Variants in APOOL observed in about 807,000 individuals in gnomAD.
The protein encoded by APOOL is apolipoprotein O like, also known as MICOS complex subunit MIC27.
In APOOL, 12 loss-of-function variants were observed where a neutral mutation model predicts 23.1. That is an observed-to-expected ratio of 0.52 (90% CI 0.33 to 0.84). APOOL has a LOEUF of 0.84. APOOL is among the 40% of genes least tolerant of loss of function. APOOL has a pLI of 0.02. For synonymous variants in APOOL, 77 were observed against 69.9 expected, an observed-to-expected ratio of 1.10 and a Z score of -0.51; for missense variants, 212 against 199.6, an observed-to-expected ratio of 1.06 and a Z score of -0.37.
intron 2 of APOOL, among the ~76,000 whole-genome samples, chrX:85,047,422 G>A (rs1192373812): frequency 9.0e-6 from 1 of 111,404 alleles, no homozygotes; most frequent in Non-Finnish European, 1.9e-5. Context: ...ACTGCTACAG[G>A]ATAGAGTCAG....
chrX:85,043,735 T>C (rs1274831713), intron 1 of APOOL, among the ~76,000 whole-genome samples: 1 of 111,561 alleles, frequency 9.0e-6, no homozygotes, highest in Non-Finnish European at 1.9e-5. Flanking sequence ...TTTTTTTGTT[T>C]GGAGGTAATA....
At chrX:85,067,964 A>G (rs1236753393) in intron 6 of APOOL, among the ~76,000 whole-genome samples, 2 of 110,797 alleles carry the variant, frequency 1.8e-5, no homozygotes, top group Non-Finnish European at 3.8e-5. Context: ...TTGTATTCCC[A>G]TTACTTCATC....
At position 85,082,340 on chromosome X, in the gene APOOL, A is replaced by G. The variant is rs190604751; in HGVS notation, c.719-5250A>G. Among the ~76,000 whole-genome samples the G allele has an allele frequency of 6.0e-3, 670 of 110,952 alleles. 5 individuals are homozygous for G. Among genetic ancestry groups the G allele is most frequent in the African/African-American group, 0.021 (632 of 30,463 alleles). The stretch of plus-strand genomic sequence containing the variant: ...TCTGTTTGTTAGTTTTCCTTCTAAC[A>G]CTCAGGACCCTCAGCTGCAGGTATG... On this transcript the variant is annotated intron_variant, in intron 8 of 8. Coordinates refer to ENST00000373173, the MANE Select transcript of APOOL (RefSeq NM_198450.6).
chrX:85,055,585 G>C (rs191270512), intron 4 of APOOL, among the ~76,000 whole-genome samples: 5 of 111,441 alleles, frequency 4.5e-5, no homozygotes, highest in African/African-American at 1.6e-4. Context: ...AGTAATAACC[G>C]TCAGTATCAT....
intron 8 of APOOL, 59 bp downstream of exon 8, chrX:85,074,450 T>A (rs1249769958): frequency 1.2e-5 from 14 of 1,130,996 alleles, no homozygotes; most frequent in African/African-American, 1.8e-5. Flanking sequence ...TTGATAGCAT[T>A]ATCATTAGTG....
intron 8 of APOOL, among the ~76,000 whole-genome samples, chrX:85,079,141 G>A (rs1389545909): frequency 8.9e-6 from 1 of 111,791 alleles, no homozygotes; most frequent in Non-Finnish European, 1.9e-5. Flanking sequence ...AATGGGAGTG[G>A]TGAGAGAGGG....
rs775811303 is a variant in APOOL, at chrX:85,060,574, T to C, written c.394+4649T>C. Among the ~76,000 whole-genome samples, 398 of 110,712 alleles carry C rather than the reference T, an allele frequency of 3.6e-3. 1 individual carries two copies. Among genetic ancestry groups the C allele is most frequent in the African/African-American group, 0.012 (366 of 30,405 alleles). ...TTTCATTGAGCAGTGGTTTGTAGTTTTCCTTGAAGAGGTCCTTCACATCCC... is the reference window on the plus strand; with the variant it reads ...TTTCATTGAGCAGTGGTTTGTAGTTCTCCTTGAAGAGGTCCTTCACATCCC... On this transcript the variant is annotated intron_variant, in intron 5 of 8. Transcript: ENST00000373173.
chrX:85,013,393 T>A (rs1760406445), intron 1 of APOOL, among the ~76,000 whole-genome samples: 1 of 111,709 alleles, frequency 9.0e-6, no homozygotes, highest in Non-Finnish European at 1.9e-5. Context: ...GTTTCTCCAG[T>A]TCCTAGAGGT....
At chrX:85,043,467 A>G (rs190404052) in intron 1 of APOOL, among the ~76,000 whole-genome samples, 2 of 109,046 alleles carry the variant, frequency 1.8e-5, no homozygotes, top group Non-Finnish European at 3.8e-5. Context: ...TGCAGCATGC[A>G]TAAGATTTCT....
rs1046852002 is a variant in APOOL, at chrX:85,051,964, A to G, written c.240+456A>G. Among the ~76,000 whole-genome samples the G allele has an allele frequency of 3.6e-5, 4 of 112,096 alleles. No individual in the cohort carries two copies. In the Admixed American group the frequency reaches 3.8e-4, roughly 11 times the overall value. On this transcript the variant is annotated intron_variant, in intron 3 of 8. Coordinates refer to ENST00000373173, the MANE Select transcript of APOOL (RefSeq NM_198450.6). ...GAATTTGCCAGGCTTTTTGCCTATC[A>G]TCAGATATCCAAGAAAGTCACTTCT...
chrX:85,059,722 G>A (rs1298424200), intron 5 of APOOL, among the ~76,000 whole-genome samples: 1 of 110,596 alleles, frequency 9.0e-6, no homozygotes, highest in Non-Finnish European at 1.9e-5. Context: ...TTTTGATGGG[G>A]TTGTTTGTTT....
In APOOL at chrX:85,043,410, A is replaced by ATT. The variant is rs11400629; in HGVS notation, c.16-3023_16-3022dup. 1.4e-3 allele frequency among the ~76,000 whole-genome samples: 139 copies of ATT among 100,724 alleles called. 1 individual carries two copies. The highest frequency in any genetic ancestry group is 5.6e-3 in the East Asian group (18 of 3,212). 87.5% of individuals were successfully genotyped at this position (100,724 alleles called of 115,157 possible). On this transcript the variant is annotated intron_variant, in intron 1 of 8. Transcript: ENST00000373173. ...TGGTTTTCTAAATTGGAGGCTGGCA[A>ATT]TTTTTTTTTTTTTTGTAAATGGCCA...
intron 5 of APOOL, among the ~76,000 whole-genome samples, chrX:85,063,353 T>C (rs915483991): frequency 9.0e-6 from 1 of 110,681 alleles, no homozygotes. Flanking sequence ...ATACCCTTTA[T>C]TTTTTTTATC....
intron 1 of APOOL, among the ~76,000 whole-genome samples, chrX:85,018,157 A>G (rs1376275840): frequency 8.9e-6 from 1 of 112,376 alleles, no homozygotes; most frequent in African/African-American, 3.2e-5. Flanking sequence ...CCATTTTTGC[A>G]TTGCTATAAA....
intron 8 of APOOL, among the ~76,000 whole-genome samples, chrX:85,087,166 T>C (rs1011662712): frequency 1.8e-5 from 2 of 110,761 alleles, no homozygotes; most frequent in Admixed American, 9.7e-5. Flanking sequence ...CCGCCACCCC[T>C]ACATACACCA....
chrX:85,014,987 C>T (rs977208673), intron 1 of APOOL, among the ~76,000 whole-genome samples: 1 of 110,138 alleles, frequency 9.1e-6, no homozygotes, highest in Non-Finnish European at 1.9e-5. Context: ...TAACATAATC[C>T]TCAGTTTATT....
At position 85,093,106 on chromosome X, in the gene APOOL, A is replaced by G; in HGVS notation, c.*5428A>G. On this transcript the variant is annotated 3_prime_UTR_variant, in exon 9 of 9. Transcript: ENST00000373173. ...GGGTTATGTTCAAATGGTGAGATTAATGATTTAATTTATGCCCTGTGAATA... is the reference window on the plus strand; with the variant it reads ...GGGTTATGTTCAAATGGTGAGATTAGTGATTTAATTTATGCCCTGTGAATA... 1.0e-6 allele frequency: 1 copy of G among 959,863 alleles called. No individual in the cohort carries two copies. Among genetic ancestry groups the G allele is most frequent in the Non-Finnish European group, 1.4e-6 (1 of 699,868 alleles). The allele number at this position is 959,863 out of a possible 1,213,427, so 79.1% of individuals were successfully genotyped here. A position where few individuals can be genotyped will look rare whatever the true frequency, so the allele number is the denominator to read the frequency against.
At chrX:85,035,474 T>C (rs191484290) in intron 1 of APOOL, among the ~76,000 whole-genome samples, 1 of 111,445 alleles carries the variant, frequency 9.0e-6, no homozygotes, top group African/African-American at 3.3e-5. Flanking sequence ...ATTTGTCAAT[T>C]TTTGCTTTTG....
At chrX:85,040,148 A>G (rs1569455839) in intron 1 of APOOL, among the ~76,000 whole-genome samples, 1 of 111,878 alleles carries the variant, frequency 8.9e-6, no homozygotes, top group East Asian at 2.8e-4. Flanking sequence ...ATTTCTCATT[A>G]GCTTATGAAG....
Sources: gnomAD v4.1 joint callset for allele counts (sites outside exome capture counted in the v4.1 genomes callset) on GRCh38, gnomAD v4.1.1 for gene constraint, MANE v1.5 for transcripts, NCBI Gene and HGNC (gene_info 2026-07-23, HGNC 2026-07-21) for gene names.